The following PDE4D variants were observed in gnomAD, a reference collection of about 807,000 sequenced individuals.
PDE4D encodes the protein phosphodiesterase 4D.
In PDE4D, 24 loss-of-function variants were observed where a neutral mutation model predicts 87.4. That is an observed-to-expected ratio of 0.27 (90% CI 0.20 to 0.39). PDE4D has a LOEUF of 0.39. Ranked by LOEUF, PDE4D falls within the 10% of genes least tolerant of loss-of-function variation. The pLI, the probability that PDE4D is intolerant of heterozygous loss-of-function variation, is 1.00. For missense variants in PDE4D, 714 were observed against 1,041.0 expected (o/e 0.69, Z 4.32); for synonymous variants, 384 against 383.2 (o/e 1.00, Z -0.02).
intron 2 of PDE4D, among the ~76,000 whole-genome samples, chr5:60,180,763 G>T (rs1784314968): frequency 6.6e-6 from 1 of 152,228 alleles, no homozygotes; most frequent in South Asian, 2.1e-4. Context: ...ATATCAATTT[G>T]TTGTGAATAA....
chr5:60,191,617 A>T (rs1785204914), intron 1 of PDE4D, among the ~76,000 whole-genome samples: 1 of 152,214 alleles, frequency 6.6e-6, no homozygotes, highest in African/African-American at 2.4e-5. Context: ...GCAGTTCTTT[A>T]TAGCAGTATG....
At chr5:60,053,401 T>C (rs1341651362) in intron 2 of PDE4D, among the ~76,000 whole-genome samples, 1 of 152,168 alleles carries the variant, frequency 6.6e-6, no homozygotes, top group African/African-American at 2.4e-5. Context: ...TCTAAAAACA[T>C]CTGATCTTTG....
chr5:59,091,950 T>C (rs1210663381), intron 5 of PDE4D, among the ~76,000 whole-genome samples: 1 of 152,148 alleles, frequency 6.6e-6, no homozygotes, highest in African/African-American at 2.4e-5. Context: ...ATGACATGCA[T>C]TTATTGGGAA....
chr5:60,195,912 A>G (rs1741163834), intron 1 of PDE4D, among the ~76,000 whole-genome samples: 3 of 151,818 alleles, frequency 2.0e-5, no homozygotes, highest in African/African-American at 2.4e-5. Context: ...ACATGAAAGT[A>G]GACATTGACG....
chr5:59,967,183 G>C lies in PDE4D; in HGVS notation c.272+21305C>G, dbSNP rs377047900. Among the ~76,000 whole-genome samples the C allele has an allele frequency of 2.6e-4, 40 of 152,000 alleles. No individual in the cohort carries two copies. The East Asian group carries it at 4.3e-3, about 16-fold the overall frequency. Reference sequence around the variant, plus strand: ...CTCAGATAATTATTGATGTCAGCAGGGCCTTCTTCAGAAAGAGGGAAGTAA... The same window carrying C: ...CTCAGATAATTATTGATGTCAGCAGCGCCTTCTTCAGAAAGAGGGAAGTAA... On this transcript the variant is annotated intron_variant, in intron 3 of 16. Coordinates refer to the PDE4D transcript ENST00000502484.
At chr5:59,942,912 T>G (rs886313860) in intron 3 of PDE4D, among the ~76,000 whole-genome samples, 2 of 151,678 alleles carry the variant, frequency 1.3e-5, no homozygotes, top group Non-Finnish European at 2.9e-5. Flanking sequence ...ACAACTTTGA[T>G]TGCCACAACT....
At chr5:60,079,919 A>C (rs1481220330) in intron 2 of PDE4D, among the ~76,000 whole-genome samples, 1 of 152,198 alleles carries the variant, frequency 6.6e-6, no homozygotes, top group Admixed American at 6.5e-5. Flanking sequence ...GAAGAATGTC[A>C]ATGATAGTTT....
chr5:59,572,079 T>C (rs1821940573), intron 1 of PDE4D, among the ~76,000 whole-genome samples: 1 of 152,226 alleles, frequency 6.6e-6, no homozygotes, highest in Non-Finnish European at 1.5e-5. Context: ...TGACAGATCT[T>C]ATTGGGAGCA....
chr5:59,757,924 T>C (rs1014729480), intron 1 of PDE4D, among the ~76,000 whole-genome samples: 16 of 152,232 alleles, frequency 1.1e-4, no homozygotes, highest in African/African-American at 3.9e-4. Context: ...TGTCAACTTC[T>C]ATACAAGCCA....
intron 2 of PDE4D, among the ~76,000 whole-genome samples, chr5:60,144,586 A>T (rs1021689431): frequency 2.6e-5 from 4 of 152,124 alleles, no homozygotes; most frequent in Admixed American, 6.5e-5. Flanking sequence ...CATTCATTTT[A>T]TTACTTTTCC....
intron 1 of PDE4D, among the ~76,000 whole-genome samples, chr5:59,635,674 C>T (rs538660624): frequency 1.2e-4 from 19 of 152,202 alleles, no homozygotes; most frequent in Non-Finnish European, 1.8e-4. Flanking sequence ...AAAAGGCCTT[C>T]GATAAAATTC....
At chr5:60,283,385 A>G (rs180815573) in intron 1 of PDE4D, among the ~76,000 whole-genome samples, 146 of 152,246 alleles carry the variant, frequency 9.6e-4, no homozygotes, top group Non-Finnish European at 1.8e-3. Flanking sequence ...TTTTTGTTAC[A>G]AATGTTGTAA....
At chr5:60,391,506 C>T (rs976829505) in intron 1 of PDE4D, among the ~76,000 whole-genome samples, 2 of 152,190 alleles carry the variant, frequency 1.3e-5, no homozygotes, top group Admixed American at 1.3e-4. Context: ...CTTTCCTCGC[C>T]TTTTCCAGCT....
chr5:59,320,651 T>C (rs1774557190), intron 1 of PDE4D, among the ~76,000 whole-genome samples: 1 of 152,144 alleles, frequency 6.6e-6, no homozygotes, highest in African/African-American at 2.4e-5. Context: ...ATTTCATGAA[T>C]ACAGCACATT....
intron 11 of PDE4D, among the ~76,000 whole-genome samples, chr5:58,980,209 T>C (rs999198692): frequency 6.6e-6 from 1 of 152,216 alleles, no homozygotes; most frequent in Non-Finnish European, 1.5e-5. Flanking sequence ...GGACATCTTT[T>C]ATACACATAA....
chr5:59,650,440 G>C (rs934831304), intron 1 of PDE4D, among the ~76,000 whole-genome samples: 2 of 152,102 alleles, frequency 1.3e-5, no homozygotes, highest in Non-Finnish European at 2.9e-5. Context: ...TCAGTGCCTT[G>C]AGTTATCTTT....
intron 3 of PDE4D, among the ~76,000 whole-genome samples, chr5:59,901,180 C>T (rs1319785631): frequency 5.9e-5 from 9 of 152,112 alleles, no homozygotes; most frequent in Admixed American, 5.2e-4. Context: ...ATTTGAGCCT[C>T]GTCAAGCTAA....
intron 6 of PDE4D, among the ~76,000 whole-genome samples, chr5:59,032,398 G>A (rs530700927): frequency 6.6e-6 from 1 of 152,234 alleles, no homozygotes; most frequent in African/African-American, 2.4e-5. Context: ...TGGCCAACAT[G>A]GTGAAACCCC....
chr5:60,150,517 T>C (rs958725550), intron 2 of PDE4D, among the ~76,000 whole-genome samples: 1 of 152,130 alleles, frequency 6.6e-6, no homozygotes, highest in Admixed American at 6.5e-5. Flanking sequence ...AATTTTTGTG[T>C]TTAAAAAGTG....
Sources: allele counts gnomAD v4.1 joint callset (sites outside exome capture counted in the v4.1 genomes callset), GRCh38; gene constraint gnomAD v4.1.1; transcripts MANE v1.5; gene names NCBI Gene and HGNC (gene_info 2026-07-23, HGNC 2026-07-21).